CSMD1: variants seen among roughly 807,000 people sequenced by gnomAD.
CSMD1 encodes CUB and sushi domain-containing protein 1.
Under a neutral mutation model 417.5 loss-of-function variants are expected in CSMD1, and 213 were observed. The ratio of observed to expected loss-of-function variants is 0.51; its 90% CI spans 0.46 to 0.57. The LOEUF is 0.57. CSMD1 is among the 20% of genes least tolerant of loss of function. CSMD1 has a pLI of 0.00. For missense variants in CSMD1, 6,923 were observed against 4,529.7 expected (o/e 1.53, Z -15.17); for synonymous variants, 2,862 against 1,736.8 (o/e 1.65, Z -16.11).
chr8:3,738,855 G>A (rs1271724355), intron 6 of CSMD1, among the ~76,000 whole-genome samples: 1 of 152,166 alleles, frequency 6.6e-6, no homozygotes, highest in Non-Finnish European at 1.5e-5. Context: ...ATCAATAAAT[G>A]TTACTTATTA....
chr8:4,067,332 G>C (rs546580661), intron 3 of CSMD1, among the ~76,000 whole-genome samples: 59 of 152,312 alleles, frequency 3.9e-4, no homozygotes, highest in African/African-American at 1.3e-3. Flanking sequence ...ACGTTTTCAA[G>C]TAAGGTATAA....
In CSMD1 at chr8:3,721,520, T is replaced by C. The variant is rs568883074; in HGVS notation, c.932-13029A>G. On this transcript the variant is annotated intron_variant, in intron 6 of 69. Coordinates refer to ENST00000635120, the MANE Select transcript of CSMD1 (RefSeq NM_033225.6). ...AGGTAACTTACAGCATTCTAGAGCA[T>C]GGCACAAAGAGAAACATATTCTTAG... Among the ~76,000 whole-genome samples the C allele has an allele frequency of 3.9e-5, 6 of 152,348 alleles. No individual in the cohort carries two copies. In the South Asian group the frequency reaches 1.0e-3, roughly 26 times the overall value.
intron 6 of CSMD1, among the ~76,000 whole-genome samples, chr8:3,716,989 T>A (rs545585754): frequency 8.4e-4 from 128 of 152,216 alleles, no homozygotes; most frequent in African/African-American, 3.0e-3. Flanking sequence ...AAATAAAAAA[T>A]TGAGGTACAA....
intron 22 of CSMD1, among the ~76,000 whole-genome samples, chr8:3,347,528 C>G (rs1585033659): frequency 6.6e-6 from 1 of 152,310 alleles, no homozygotes; most frequent in African/African-American, 2.4e-5. Context: ...TCCAGCTTTC[C>G]ACAGTATGAC....
In CSMD1 at chr8:3,390,354, CAAAAAAAA is replaced by C. The variant is rs35292914; in HGVS notation, c.2594-2680_2594-2673del. 3.0e-3 allele frequency among the ~76,000 whole-genome samples: 196 copies of C among 64,278 alleles called. 1 individual carries two copies. The highest frequency in any genetic ancestry group is 0.012 in the African/African-American group (185 of 15,862). 42.2% of individuals were successfully genotyped at this position (64,278 alleles called of 152,430 possible). A position where few individuals can be genotyped will look rare whatever the true frequency, so the allele number is the denominator to read the frequency against. On this transcript the variant is annotated intron_variant, in intron 17 of 69. Coordinates refer to ENST00000635120, the MANE Select transcript of CSMD1 (RefSeq NM_033225.6). ...TGGGCGACAGAGCAAGACTCTGTCTCAAAAAAAAAAAAAAAAAAAAAAAAAGGAATTTT... is the reference window on the plus strand; with the variant it reads ...TGGGCGACAGAGCAAGACTCTGTCTCAAAAAAAAAAAAAAAAAGGAATTTT...
chr8:4,341,779 A>T (rs1221094864), intron 3 of CSMD1, among the ~76,000 whole-genome samples: 8 of 152,268 alleles, frequency 5.3e-5, no homozygotes, highest in African/African-American at 1.9e-4. Flanking sequence ...AATATTGTGC[A>T]GATTTCAGTG....
intron 1 of CSMD1, among the ~76,000 whole-genome samples, chr8:4,783,931 C>G (rs1797279334): frequency 6.6e-6 from 1 of 152,036 alleles, no homozygotes; most frequent in African/African-American, 2.4e-5. Context: ...AAAGTTGGCT[C>G]AATATAGAGT....
chr8:2,992,798 C>A (rs766555887), intron 54 of CSMD1, among the ~76,000 whole-genome samples: 1 of 151,892 alleles, frequency 6.6e-6, no homozygotes, highest in Non-Finnish European at 1.5e-5. Flanking sequence ...GCTGGAAGTG[C>A]CGTGTCTTGG....
At chr8:3,813,509 C>T (rs1323224997) in intron 5 of CSMD1, among the ~76,000 whole-genome samples, 7 of 152,084 alleles carry the variant, frequency 4.6e-5, no homozygotes, top group South Asian at 2.1e-4. Flanking sequence ...GAAGGGCTGG[C>T]GTGAATATGA....
At chr8:4,835,479 G>A (rs1197137108) in intron 1 of CSMD1, among the ~76,000 whole-genome samples, 3 of 152,160 alleles carry the variant, frequency 2.0e-5, no homozygotes, top group Non-Finnish European at 4.4e-5. Context: ...GGATTCTTAT[G>A]TTGAATTTGA....
At chr8:4,948,640 G>C (rs1054958374) in intron 1 of CSMD1, among the ~76,000 whole-genome samples, 2 of 152,052 alleles carry the variant, frequency 1.3e-5, no homozygotes, top group East Asian at 3.9e-4. Flanking sequence ...CTGAAATATA[G>C]TATTATAAAT....
chr8:4,974,183 AT>A (rs34867801), intron 1 of CSMD1, among the ~76,000 whole-genome samples: 34,761 of 145,488 alleles, frequency 0.24, 4,658 homozygotes, highest in African/African-American at 0.39. Flanking sequence ...CACCCAGCTA[AT>A]TTTTTTTTTT....
At chr8:4,611,023 C>T (rs1005741096) in intron 2 of CSMD1, among the ~76,000 whole-genome samples, 1 of 152,212 alleles carries the variant, frequency 6.6e-6, no homozygotes, top group African/African-American at 2.4e-5. Context: ...AGAAATGTAA[C>T]TACCATTTTT....
chr8:3,370,958 C>A (rs943585505), intron 18 of CSMD1, among the ~76,000 whole-genome samples: 2 of 150,814 alleles, frequency 1.3e-5, no homozygotes, highest in Non-Finnish European at 3.0e-5. Context: ...CCTGGGGCAA[C>A]AAGAGTCAAA....
chr8:3,136,437 G>C (rs935661130), intron 41 of CSMD1, among the ~76,000 whole-genome samples: 3 of 151,854 alleles, frequency 2.0e-5, no homozygotes, highest in Non-Finnish European at 2.9e-5. Flanking sequence ...GCTAGTATTT[G>C]TATTTTTAGT....
intron 49 of CSMD1, among the ~76,000 whole-genome samples, chr8:3,072,538 G>C (rs950963622): frequency 1.3e-5 from 2 of 152,192 alleles, no homozygotes; most frequent in African/African-American, 2.4e-5. Flanking sequence ...ACTTGGAAGA[G>C]CACAGTTCTT....
intron 5 of CSMD1, among the ~76,000 whole-genome samples, chr8:3,781,941 C>G (rs768513426): frequency 2.0e-5 from 3 of 151,938 alleles, no homozygotes; most frequent in Admixed American, 6.6e-5. Context: ...ATCTCACATG[C>G]CAACTCCATT....
chr8:3,250,201 C>G lies in CSMD1; in HGVS notation c.4154-19970G>C, dbSNP rs1276296231. 2.6e-5 allele frequency among the ~76,000 whole-genome samples: 4 copies of G among 152,180 alleles called. No individual in the cohort carries two copies. The South Asian group carries it at 8.3e-4, about 32-fold the overall frequency. ...TTAGGTATGTCTCCAAATACTATCC[C>G]TCCCTGATCCCCCCACCCCACAACA... is the stretch of plus-strand genomic sequence containing the variant. On this transcript the variant is annotated intron_variant, in intron 26 of 69. Coordinates refer to ENST00000635120, the MANE Select transcript of CSMD1 (RefSeq NM_033225.6).
rs189597662 is a variant in CSMD1 at position 4,293,863 on chromosome 8, A to C, written c.415+126090T>G. ...TCCAAAGCTGTTCTACTAGTTTTTG[A>C]CTCAGTGGTGAGACCAGATTTAAGG... On this transcript the variant is annotated intron_variant, in intron 3 of 69. Coordinates refer to ENST00000635120, the MANE Select transcript of CSMD1 (RefSeq NM_033225.6). Among the ~76,000 whole-genome samples, 337 of 152,282 alleles carry C rather than the reference A, an allele frequency of 2.2e-3. 4 individuals carry two copies. Among genetic ancestry groups the C allele is most frequent in the African/African-American group, 7.7e-3 (322 of 41,552 alleles).
Sources: allele counts gnomAD v4.1 joint callset (sites outside exome capture counted in the v4.1 genomes callset), GRCh38; gene constraint gnomAD v4.1.1; transcripts MANE v1.5; gene names NCBI Gene and HGNC (gene_info 2026-07-23, HGNC 2026-07-21).